RBM27: variants seen among roughly 807,000 people sequenced by gnomAD.
RBM27 encodes the protein RNA binding motif protein 27.
A neutral mutation model predicts 135.3 loss-of-function variants in RBM27; 22 were observed. The ratio of observed to expected loss-of-function variants is 0.16; its 90% CI spans 0.12 to 0.23. RBM27 has a LOEUF of 0.23. RBM27 is among the 10% of genes least tolerant of loss of function. The pLI is 1.00. For missense variants in RBM27, 1,009 were observed against 1,281.0 expected, an observed-to-expected ratio of 0.79 and a Z score of 3.24; for synonymous variants, 481 against 442.4, an observed-to-expected ratio of 1.09 and a Z score of -1.10.
intron 3 of RBM27, among the ~76,000 whole-genome samples, chr5:146,227,772 A>G (rs1343014713): frequency 2.0e-5 from 3 of 152,184 alleles, no homozygotes; most frequent in African/African-American, 7.2e-5. Context: ...AAAAATAAAA[A>G]TTACTGTTCT....
At chr5:146,232,782 T>C (rs1169385588) in intron 6 of RBM27, among the ~76,000 whole-genome samples, 1 of 152,172 alleles carries the variant, frequency 6.6e-6, no homozygotes, top group Admixed American at 6.5e-5. Context: ...TTGGTCAGGA[T>C]GGTCTCAGTT....
intron 4 of RBM27, 106 bp downstream of exon 4, chr5:146,229,143 A>G: frequency 2.6e-6 from 2 of 757,786 alleles, no homozygotes; most frequent in Non-Finnish European, 4.4e-6. Context: ...CTCTCTCTGT[A>G]AACTCATTAA....
At chr5:146,264,170 ATTTGTTTGTTTG>A (rs928087514) in intron 14 of RBM27, among the ~76,000 whole-genome samples, 5 of 151,214 alleles carry the variant, frequency 3.3e-5, no homozygotes, top group South Asian at 2.1e-4. Flanking sequence ...TTAGATATTT[ATTTGTTTGTTTG>A]TTTGTTTGTT....
At chr5:146,206,719 T>A (rs1490675594) in intron 1 of RBM27, among the ~76,000 whole-genome samples, 1 of 152,100 alleles carries the variant, frequency 6.6e-6, no homozygotes, top group African/African-American at 2.4e-5. Flanking sequence ...TAGCTGGGAT[T>A]ACAGGCACTT....
chr5:146,241,323 T>G (rs1757399672), intron 8 of RBM27, among the ~76,000 whole-genome samples: 1 of 152,198 alleles, frequency 6.6e-6, no homozygotes, highest in Non-Finnish European at 1.5e-5. Flanking sequence ...GGCAAATATT[T>G]ATTGAATGCC....
In RBM27 at chr5:146,269,426, A is replaced by G; in HGVS notation, c.2533A>G (p.Ile845Val). 1.3e-6 allele frequency: 2 copies of G among 1,554,084 alleles called. No individual in the cohort carries two copies. The highest frequency in any genetic ancestry group is 1.7e-6 in the Non-Finnish European group (2 of 1,152,640). ...EKQIECQKML[I>V]SKLEKNKNMK... ...TTTTCTATTTATTTCGTAGATGTTA[A>G]TATCCAAGTTAGAAAAAAACAAAAA... The change falls in exon 17 of 21, where the codon ATA (isoleucine) becomes GTA (valine). Residue 845 changes from isoleucine (I) to valine (V), a missense_variant. Physicochemically the swap from Ile to Val is conservative, Grantham distance 29. This residue lies in a region of RBM27 where 355 missense variants were observed against 427.3 expected (regional missense o/e 0.83). Transcript: ENST00000265271.
In RBM27 at chr5:146,288,241, T is replaced by C. The variant is rs935889601; in HGVS notation, c.*2211T>C. The stretch of plus-strand genomic sequence containing the variant: ...TTTTTTTGACCTCAAAATGGACATC[T>C]TATTTCACTCTCAGTAAAAAGTTGA... On this transcript the variant is annotated 3_prime_UTR_variant, in exon 21 of 21. Coordinates refer to ENST00000265271, the MANE Select transcript of RBM27 (RefSeq NM_018989.2). The C allele has an allele frequency of 6.6e-6, 1 of 152,092 alleles. No homozygotes were observed. Among genetic ancestry groups the C allele is most frequent in the Non-Finnish European group, 1.5e-5 (1 of 67,942 alleles). The allele number at this position is 152,092 out of a possible 1,614,324, so 9.4% of individuals were successfully genotyped here. A position where few individuals can be genotyped will look rare whatever the true frequency, so the allele number is the denominator to read the frequency against.
chr5:146,253,654 A>G (rs1757992115), intron 9 of RBM27, among the ~76,000 whole-genome samples: 1 of 152,154 alleles, frequency 6.6e-6, no homozygotes, highest in Middle Eastern at 3.2e-3. Context: ...CTGTGCTTTA[A>G]TGGCATTTTA....
Position 146,251,729 on chromosome 5 carries a change from G to A in RBM27, c.1298G>A (p.Arg433His), listed in dbSNP as rs750452481. The A allele has an allele frequency of 7.4e-5, 120 of 1,612,012 alleles. No individual in the cohort carries two copies. The South Asian group carries it at 9.7e-4, about 13-fold the overall frequency. ...TVSERQPMYS[R>H]EHGAAASERL... ...TCTATAGGACAGCCCATGTACTCTC[G>A]TGAACATGGTGCTGCTGCATCTGAG... is the stretch of plus-strand genomic sequence containing the variant. Residue 433 changes from arginine to histidine, a missense_variant, in exon 9 of 21, where the codon CGT becomes CAT. Around this residue, in one of 6 missense-constraint regions of RBM27, gnomAD observed 329 missense variants for 368.1 expected, o/e 0.89. Transcript: ENST00000265271.
In RBM27 at chr5:146,270,016, G is replaced by T. The variant is rs566211438; in HGVS notation, c.2691+432G>T. Among the ~76,000 whole-genome samples the T allele has an allele frequency of 3.9e-5, 6 of 152,186 alleles. No individual in the cohort carries two copies. In the South Asian group the frequency reaches 8.3e-4, roughly 21 times the overall value. ...TGAAGATGACACTATTAAAGTGATG[G>T]TGGTGAAAGAGGTATTTCCCATTTC... On this transcript the variant is annotated intron_variant, in intron 17 of 20. Coordinates refer to ENST00000265271, the MANE Select transcript of RBM27 (RefSeq NM_018989.2).
intron 2 of RBM27, among the ~76,000 whole-genome samples, chr5:146,221,147 CAAAA>C (rs77849788): frequency 1.2e-5 from 1 of 84,114 alleles, no homozygotes; most frequent in Non-Finnish European, 2.5e-5. Context: ...GACTCCATCT[CAAAA>C]AAAAAAAAAA....
intron 1 of RBM27, among the ~76,000 whole-genome samples, chr5:146,216,870 C>A (rs917479485): frequency 1.3e-5 from 2 of 152,138 alleles, no homozygotes; most frequent in African/African-American, 4.8e-5. Flanking sequence ...ATTGCCCAAG[C>A]TGCTCTTGAA....
At chr5:146,227,911 A>G (rs918176177) in intron 3 of RBM27, among the ~76,000 whole-genome samples, 2 of 152,086 alleles carry the variant, frequency 1.3e-5, no homozygotes, top group African/African-American at 2.4e-5. Context: ...TGATTTAACC[A>G]TTTTTTCCTA....
At chr5:146,250,770 C>CTTTTTTTTTTTTTTTT (rs58027855) in intron 8 of RBM27, among the ~76,000 whole-genome samples, 37 of 72,670 alleles carry the variant, frequency 5.1e-4, no homozygotes, top group Non-Finnish European at 7.3e-4. Context: ...TTTTTTTGTC[C>CTTTTTTTTTTTTTTTT]TTTTTTTTTT....
At chr5:146,267,363 G>A (rs1758659531) in intron 14 of RBM27, among the ~76,000 whole-genome samples, 1 of 152,094 alleles carries the variant, frequency 6.6e-6, no homozygotes, top group South Asian at 2.1e-4. Context: ...ATTAGGGATT[G>A]GTCTTGCTTT....
At chr5:146,204,309 A>C (rs1355185878) in intron 1 of RBM27, among the ~76,000 whole-genome samples, 1 of 152,236 alleles carries the variant, frequency 6.6e-6, no homozygotes, top group Admixed American at 6.5e-5. Flanking sequence ...AGAAGCGGAT[A>C]GCAGGGACAT....
chr5:146,250,770 C>CTTTTTTTTTTTTTTTTTTTTT (rs58027855), intron 8 of RBM27, among the ~76,000 whole-genome samples: 7 of 72,674 alleles, frequency 9.6e-5, no homozygotes, highest in Non-Finnish European at 1.2e-4. Context: ...TTTTTTTGTC[C>CTTTTTTTTTTTTTTTTTTTTT]TTTTTTTTTT....
At position 146,237,437 on chromosome 5, in the gene RBM27, G is replaced by A; in HGVS notation, c.1279+5G>A. ...TCCTTTACACAGTATCAGAACGTAA[G>A]TACATGTTGTTTGACTTAAAATTGA... On this transcript the variant is annotated splice_donor_5th_base_variant and intron_variant, in intron 8 of 20. Transcript: ENST00000265271. 3.1e-6 allele frequency: 5 copies of A among 1,613,752 alleles called. No homozygotes were observed. The highest frequency in any genetic ancestry group is 4.2e-6 in the Non-Finnish European group (5 of 1,179,702).
intron 3 of RBM27, among the ~76,000 whole-genome samples, chr5:146,226,123 C>G (rs1251374146): frequency 6.6e-6 from 1 of 151,526 alleles, no homozygotes; most frequent in African/African-American, 2.4e-5. Context: ...TTGCCTCGGC[C>G]TCCCAAAGTG....
Sources: allele counts gnomAD v4.1 joint callset (sites outside exome capture counted in the v4.1 genomes callset), GRCh38; gene constraint gnomAD v4.1.1; regional missense constraint gnomAD v4.1.1; transcripts MANE v1.5; gene names NCBI Gene and HGNC (gene_info 2026-07-23, HGNC 2026-07-21).